HDAC4: variants seen among roughly 807,000 people sequenced by gnomAD.
HDAC4 encodes histone deacetylase 4, also known as histone deacetylase A.
Under a neutral mutation model 135.1 loss-of-function variants are expected in HDAC4, and 16 were observed. That is an observed-to-expected ratio of 0.12 (90% CI 0.08 to 0.18). HDAC4 has a LOEUF of 0.18. Among genes scored for constraint, HDAC4 ranks in the 10% least tolerant of loss-of-function variants. The probability of loss-of-function intolerance (pLI) is 1.00; values close to 1 mark genes in which losing one functional copy is unlikely to be tolerated. For missense variants in HDAC4, 1,143 were observed against 1,511.8 expected (o/e 0.76, Z 4.05); for synonymous variants, 685 against 653.4 (o/e 1.05, Z -0.74).
chr2:239,215,916 C>T (rs2046607429), intron 3 of HDAC4, among the ~76,000 whole-genome samples: 1 of 152,046 alleles, frequency 6.6e-6, no homozygotes, highest in Non-Finnish European at 1.5e-5. Context: ...GTTAAAGTCC[C>T]CAAGTAAATA....
At chr2:239,164,790 G>A (rs7588996) in intron 5 of HDAC4, among the ~76,000 whole-genome samples, 33,768 of 152,220 alleles carry the variant, frequency 0.22, 4,072 homozygotes, top group East Asian at 0.33. Context: ...TAGAAACCAC[G>A]CTGCAGTGAA....
At chr2:239,066,700 G>A in intron 24 of HDAC4, 22 bp downstream of exon 24, 1 of 1,613,298 alleles carries the variant, frequency 6.2e-7, no homozygotes, top group Non-Finnish European at 8.5e-7. Context: ...AGCATCCTGT[G>A]GGGTCTCTGG....
intron 2 of HDAC4, among the ~76,000 whole-genome samples, chr2:239,315,900 G>A (rs1169663089): frequency 6.6e-6 from 1 of 152,144 alleles, no homozygotes; most frequent in Non-Finnish European, 1.5e-5. Context: ...GATACATGGA[G>A]GAAAAACCTT....
intron 1 of HDAC4, among the ~76,000 whole-genome samples, chr2:239,390,435 G>A (rs1203469235): frequency 6.6e-6 from 1 of 152,206 alleles, no homozygotes; most frequent in Non-Finnish European, 1.5e-5. Flanking sequence ...TCAGGCAGCT[G>A]AGGCAAGAGA....
At chr2:239,292,232 C>T (rs1280571808) in intron 2 of HDAC4, among the ~76,000 whole-genome samples, 1 of 152,222 alleles carries the variant, frequency 6.6e-6, no homozygotes, top group African/African-American at 2.4e-5. Flanking sequence ...TGCTGCAATG[C>T]GCTGGCTCCC....
chr2:239,071,683 A>G (rs774718463), intron 22 of HDAC4, among the ~76,000 whole-genome samples: 32 of 152,170 alleles, frequency 2.1e-4, no homozygotes, highest in Non-Finnish European at 4.0e-4. Context: ...GTCCTGGGAA[A>G]GCCGTGCTCC....
At chr2:239,082,548 A>ACG (rs1216132001) in intron 20 of HDAC4, among the ~76,000 whole-genome samples, 3 of 152,194 alleles carry the variant, frequency 2.0e-5, no homozygotes, top group Non-Finnish European at 4.4e-5. Context: ...CATTTCCCAG[A>ACG]CGAAGCCATC....
chr2:239,063,758 A>G (rs1037868263), intron 24 of HDAC4, among the ~76,000 whole-genome samples: 8 of 152,042 alleles, frequency 5.3e-5, no homozygotes, highest in African/African-American at 1.9e-4. Flanking sequence ...ACTGACCCCC[A>G]GGGTCACCCT....
intron 20 of HDAC4, among the ~76,000 whole-genome samples, chr2:239,082,721 C>T (rs763611655): frequency 2.0e-4 from 31 of 152,348 alleles, no homozygotes; most frequent in African/African-American, 4.1e-4. Context: ...CCCAGGTGTC[C>T]GTGAGTGACA....
At chr2:239,194,242 C>G (rs1039871902) in intron 3 of HDAC4, among the ~76,000 whole-genome samples, 2 of 152,218 alleles carry the variant, frequency 1.3e-5, no homozygotes, top group African/African-American at 4.8e-5. Flanking sequence ...TCCATCCAGT[C>G]TACTCAAGAG....
At chr2:239,105,275 C>T (rs1378978171) in intron 15 of HDAC4, among the ~76,000 whole-genome samples, 1 of 152,216 alleles carries the variant, frequency 6.6e-6, no homozygotes, top group East Asian at 1.9e-4. Flanking sequence ...CCAGCCCACC[C>T]ACTTCTCCTC....
intron 3 of HDAC4, among the ~76,000 whole-genome samples, chr2:239,235,746 T>C (rs1458161132): frequency 6.6e-6 from 1 of 152,178 alleles, no homozygotes; most frequent in Non-Finnish European, 1.5e-5. Flanking sequence ...TACCTTAAAA[T>C]GTTACCTATG....
intron 3 of HDAC4, among the ~76,000 whole-genome samples, chr2:239,231,348 C>T (rs1477550523): frequency 6.6e-6 from 1 of 152,192 alleles, no homozygotes; most frequent in East Asian, 1.9e-4. Flanking sequence ...ATGTCTTTCT[C>T]CCCAGTAGCA....
intron 5 of HDAC4, among the ~76,000 whole-genome samples, chr2:239,173,721 C>A (rs775131186): frequency 1.3e-4 from 20 of 152,134 alleles, no homozygotes; most frequent in Non-Finnish European, 2.4e-4. Context: ...AAGAGGCAAT[C>A]TTCTCATTAT....
chr2:239,391,351 G>T (rs1575802486), intron 1 of HDAC4, among the ~76,000 whole-genome samples: 1 of 152,170 alleles, frequency 6.6e-6, no homozygotes, highest in East Asian at 1.9e-4. Context: ...AGGTCCTTCG[G>T]GGAGACGTCC....
chr2:239,280,364 G>A (rs547374259), intron 2 of HDAC4, among the ~76,000 whole-genome samples: 11 of 152,260 alleles, frequency 7.2e-5, no homozygotes, highest in Middle Eastern at 3.4e-3. Context: ...TTACATGCAC[G>A]AAGAACATTA....
At chr2:239,348,573 C>G (rs756622381) in intron 2 of HDAC4, among the ~76,000 whole-genome samples, 1 of 152,238 alleles carries the variant, frequency 6.6e-6, no homozygotes, top group Non-Finnish European at 1.5e-5. Flanking sequence ...CGTAGCTTGT[C>G]CTGCCAGCAG....
intron 21 of HDAC4, 94 bp downstream of exon 21, chr2:239,082,008 C>G: frequency 7.1e-7 from 1 of 1,401,294 alleles, no homozygotes; most frequent in Non-Finnish European, 1.0e-6. Flanking sequence ...GCACTCACTG[C>G]TGCCGGGCAG....
At chr2:239,078,414 C>A (rs3791368) in intron 22 of HDAC4, among the ~76,000 whole-genome samples, 2 of 152,060 alleles carry the variant, frequency 1.3e-5, no homozygotes, top group Admixed American at 1.3e-4. Context: ...GGGGGGCCCC[C>A]GTGGGGGAGA....
Sources: gnomAD v4.1 joint callset for allele counts (sites outside exome capture counted in the v4.1 genomes callset) on GRCh38, gnomAD v4.1.1 for gene constraint, MANE v1.5 for transcripts, NCBI Gene and HGNC (gene_info 2026-07-23, HGNC 2026-07-21) for gene names.